Variants in ADARB1 observed in about 807,000 individuals in gnomAD.
The protein encoded by ADARB1 is adenosine deaminase RNA specific B1.
ADARB1 carries 10 observed loss-of-function variants against 52.4 expected under a neutral mutation model. The observed-to-expected ratio is 0.19, with a 90% CI of 0.12 to 0.32. The LOEUF (loss-of-function observed/expected upper bound fraction) is 0.32, where lower values mean the gene tolerates loss of function less well. Ranked by LOEUF, ADARB1 falls within the 10% of genes least tolerant of loss-of-function variation. The pLI, the probability that ADARB1 is intolerant of heterozygous loss-of-function variation, is 1.00. For synonymous variants in ADARB1, 349 were observed against 371.1 expected (o/e 0.94, Z 0.68); for missense variants, 643 against 922.3 (o/e 0.70, Z 3.92).
chr21:45,172,604 G>T lies in ADARB1; in HGVS notation c.28+920G>T, dbSNP rs2091530285. Among the ~76,000 whole-genome samples the T allele has an allele frequency of 6.6e-6, 1 of 152,208 alleles. No individual in the cohort carries two copies. Among genetic ancestry groups the T allele is most frequent in the Admixed American group, 6.5e-5 (1 of 15,282 alleles). On this transcript the variant is annotated intron_variant, in intron 3 of 10. Coordinates refer to ENST00000348831, the MANE Select transcript of ADARB1 (RefSeq NM_001112.4). The surrounding 1 kb of genome is among the most constrained non-coding windows in gnomAD (Gnocchi z 4.4). Reference sequence around the variant, plus strand: ...GCATTTCTGCATGGTATTGATTTCTGCATGGTATTGATTTCTGCGTGGTAT... The same window carrying T: ...GCATTTCTGCATGGTATTGATTTCTTCATGGTATTGATTTCTGCGTGGTAT...
chr21:45,220,828 C>A lies in ADARB1; in HGVS notation c.1748-8C>A. 6.2e-7 allele frequency: 1 copy of A among 1,611,534 alleles called. No individual in the cohort carries two copies. The highest frequency in any genetic ancestry group is 1.1e-5 in the South Asian group (1 of 91,020). ...CTTCACACCACCTTCCTGTGTCTTC[C>A]GTTTCAGGCATCAGCAATGCAGAAG... On this transcript the variant is annotated splice_region_variant and splice_polypyrimidine_tract_variant and intron_variant, in intron 9 of 10. Coordinates refer to ENST00000348831, the MANE Select transcript of ADARB1 (RefSeq NM_001112.4). This position sits in a 1 kb window ranked among gnomAD's most constrained non-coding sequence, Gnocchi z 6.3.
At chr21:45,124,075 G>T (rs879424633) in intron 1 of ADARB1, among the ~76,000 whole-genome samples, 5 of 152,064 alleles carry the variant, frequency 3.3e-5, no homozygotes, top group Non-Finnish European at 7.4e-5. Flanking sequence ...TACATAAATC[G>T]ATTTTCATAC....
intron 2 of ADARB1, among the ~76,000 whole-genome samples, chr21:45,146,803 A>G (rs1014810784): frequency 6.6e-6 from 1 of 152,110 alleles, no homozygotes; most frequent in Non-Finnish European, 1.5e-5. Flanking sequence ...GCTCTTTACC[A>G]TCTGTCTTTT....
At chr21:45,124,791 G>GTGTGTA (rs2088470907) in intron 1 of ADARB1, among the ~76,000 whole-genome samples, 3 of 144,492 alleles carry the variant, frequency 2.1e-5, no homozygotes, top group Admixed American at 6.8e-5. Context: ...GTGTGTATGT[G>GTGTGTA]TGTGTGTGTG....
chr21:45,082,150 A>C (rs2086178872), intron 1 of ADARB1, among the ~76,000 whole-genome samples: 1 of 152,204 alleles, frequency 6.6e-6, no homozygotes, highest in Admixed American at 6.5e-5. Flanking sequence ...ATCTCAGGTT[A>C]GGAGTCTTCA....
chr21:45,213,834 A>G (rs1467725975), intron 9 of ADARB1, among the ~76,000 whole-genome samples: 2 of 152,202 alleles, frequency 1.3e-5, no homozygotes, highest in East Asian at 1.9e-4. Flanking sequence ...GTCTTTTAAT[A>G]TTATAAAGCT....
chr21:45,162,932 A>G (rs891309418), intron 2 of ADARB1, among the ~76,000 whole-genome samples: 4 of 152,108 alleles, frequency 2.6e-5, no homozygotes, highest in African/African-American at 7.2e-5. Flanking sequence ...AGCACCAGAC[A>G]CTTCAGACCC....
At chr21:45,162,628 T>C (rs527356068) in intron 2 of ADARB1, among the ~76,000 whole-genome samples, 1 of 152,170 alleles carries the variant, frequency 6.6e-6, no homozygotes, top group Non-Finnish European at 1.5e-5. Context: ...ACTAGGGACA[T>C]GGGGAAGCAG....
In ADARB1 at chr21:45,157,372, C is replaced by T. The variant is rs1157549711; in HGVS notation, c.-47-14238C>T. Among the ~76,000 whole-genome samples, 1 of 152,130 alleles carries T rather than the reference C, an allele frequency of 6.6e-6. No individual in the cohort carries two copies. Among genetic ancestry groups the T allele is most frequent in the Non-Finnish European group, 1.5e-5 (1 of 68,038 alleles). On this transcript the variant is annotated intron_variant, in intron 2 of 10. Transcript: ENST00000348831. This position sits in a 1 kb window ranked among gnomAD's most constrained non-coding sequence, Gnocchi z 4.1. ...CGTTGTCTTTTTTTTCCCTTTGATT[C>T]CAGAAAATTAACTACAATTTTCAAA...
At chr21:45,104,002 AT>A (rs2087138476) in intron 1 of ADARB1, among the ~76,000 whole-genome samples, 1 of 152,088 alleles carries the variant, frequency 6.6e-6, no homozygotes, top group African/African-American at 2.4e-5. Flanking sequence ...GGGCACACTT[AT>A]CGAACCAGGC....
chr21:45,125,067 G>A (rs1469728154), intron 1 of ADARB1, among the ~76,000 whole-genome samples: 1 of 152,186 alleles, frequency 6.6e-6, no homozygotes, highest in Non-Finnish European at 1.5e-5. Context: ...AGAGTGCTGG[G>A]ATGACAGACG....
chr21:45,093,169 C>T (rs968874649), intron 1 of ADARB1, among the ~76,000 whole-genome samples: 1 of 152,210 alleles, frequency 6.6e-6, no homozygotes, highest in African/African-American at 2.4e-5. Flanking sequence ...CCATTCTGTG[C>T]CTGGACCTCG....
At position 45,221,079 on chromosome 21, in the gene ADARB1, C is replaced by A; in HGVS notation, c.1926+65C>A. 6.7e-7 allele frequency: 1 copy of A among 1,495,188 alleles called. No homozygotes were observed. Among genetic ancestry groups the A allele is most frequent in the South Asian group, 1.2e-5 (1 of 81,330 alleles). 92.6% of individuals were successfully genotyped at this position (1,495,188 alleles called of 1,614,324 possible). On this transcript the variant is annotated intron_variant, in intron 10 of 10. Transcript: ENST00000348831. The surrounding 1 kb of genome is among the most constrained non-coding windows in gnomAD (Gnocchi z 4.9). ...CCCCAATAGCTTGTCTGTCCTCACACCTACTGTTCCTTAAGTTGTTTCATC... is the reference window on the plus strand; with the variant it reads ...CCCCAATAGCTTGTCTGTCCTCACAACTACTGTTCCTTAAGTTGTTTCATC...
At chr21:45,197,316 A>T (rs1190292276) in intron 8 of ADARB1, among the ~76,000 whole-genome samples, 1 of 152,168 alleles carries the variant, frequency 6.6e-6, no homozygotes, top group Non-Finnish European at 1.5e-5. Flanking sequence ...CCTGGCCAGT[A>T]TGGTGAAACC....
At chr21:45,087,386 T>A (rs927554579) in intron 1 of ADARB1, among the ~76,000 whole-genome samples, 1 of 152,296 alleles carries the variant, frequency 6.6e-6, no homozygotes. Context: ...TGGATGTGAA[T>A]GAGGCAAGTA....
Position 45,113,469 on chromosome 21 carries a change from A to G in ADARB1, c.-219-14933A>G, listed in dbSNP as rs4818761. On this transcript the variant is annotated intron_variant, in intron 1 of 10. Transcript: ENST00000348831. ...TATATATATATATGTGTGTGTGTGTATATATATATATGTGTGTGTGTGTAT... is the reference window on the plus strand; with the variant it reads ...TATATATATATATGTGTGTGTGTGTGTATATATATATGTGTGTGTGTGTAT... 4.6e-3 allele frequency among the ~76,000 whole-genome samples: 640 copies of G among 139,274 alleles called. 15 individuals carry two copies. Among genetic ancestry groups the G allele is most frequent in the Admixed American group, 0.035 (490 of 13,888 alleles). 91.4% of individuals were successfully genotyped at this position (139,274 alleles called of 152,430 possible).
chr21:45,180,248 G>C lies in ADARB1; in HGVS notation c.964-82G>C. On this transcript the variant is annotated intron_variant, in intron 4 of 10. Transcript: ENST00000348831. Reference sequence around the variant, plus strand: ...AAGCAGCCTGTGTCACTCCATAAGGGAGAGTGCGTGCAGCATTGAGAGAGT... The same window carrying C: ...AAGCAGCCTGTGTCACTCCATAAGGCAGAGTGCGTGCAGCATTGAGAGAGT... 4 of 963,646 alleles carry C rather than the reference G, an allele frequency of 4.2e-6. No individual in the cohort carries two copies. The South Asian group carries it at 5.5e-5, about 13-fold the overall frequency. The allele number at this position is 963,646 out of a possible 1,614,324, so 59.7% of individuals were successfully genotyped here. A position where few individuals can be genotyped will look rare whatever the true frequency, so the allele number is the denominator to read the frequency against.
intron 1 of ADARB1, among the ~76,000 whole-genome samples, chr21:45,082,029 C>T (rs2086171970): frequency 1.3e-5 from 2 of 152,088 alleles, no homozygotes; most frequent in Admixed American, 6.5e-5. Context: ...GGTGTGAATT[C>T]TTGGTTGTGG....
At chr21:45,094,839 T>C (rs1263748600) in intron 1 of ADARB1, among the ~76,000 whole-genome samples, 1 of 152,096 alleles carries the variant, frequency 6.6e-6, no homozygotes, top group Non-Finnish European at 1.5e-5. Context: ...AAGTCATAAC[T>C]GTGATGAAGG....
Sources: allele counts gnomAD v4.1 joint callset (sites outside exome capture counted in the v4.1 genomes callset), GRCh38; gene constraint gnomAD v4.1.1; non-coding constraint Gnocchi (gnomAD v3.1); transcripts MANE v1.5; gene names NCBI Gene and HGNC (gene_info 2026-07-23, HGNC 2026-07-21).